Variants in LIPC observed in about 807,000 individuals in gnomAD.
LIPC encodes the protein lipase C, hepatic type, also known as hepatic triacylglycerol lipase.
In LIPC, 44 loss-of-function variants were observed where a neutral mutation model predicts 50.7. The ratio of observed to expected loss-of-function variants is 0.87; its 90% CI spans 0.68 to 1.11. The LOEUF is 1.11. LIPC is among the 50% of genes most tolerant of loss of function. The pLI, the probability that LIPC is intolerant of heterozygous loss-of-function variation, is 0.00. For synonymous variants in LIPC, 271 were observed against 256.4 expected (o/e 1.06, Z -0.54); for missense variants, 697 against 648.2 (o/e 1.08, Z -0.82).
chr15:58,544,349 A>G (rs1302584881), intron 4 of LIPC, among the ~76,000 whole-genome samples: 1 of 152,064 alleles, frequency 6.6e-6, no homozygotes, highest in East Asian at 1.9e-4. Context: ...CAGCCTGATA[A>G]AGAAAGGAAC....
At chr15:58,466,096 CCTGT>C (rs748543667) in intron 1 of LIPC, among the ~76,000 whole-genome samples, 4 of 152,170 alleles carry the variant, frequency 2.6e-5, no homozygotes, top group Non-Finnish European at 5.9e-5. Flanking sequence ...ACTGTGAAGT[CCTGT>C]CTGTGTAATT....
intron 1 of LIPC, among the ~76,000 whole-genome samples, chr15:58,518,360 G>A (rs1007990426): frequency 1.3e-5 from 2 of 152,260 alleles, no homozygotes; most frequent in South Asian, 2.1e-4. Flanking sequence ...TGGTGATTAA[G>A]TTAGTTCTGT....
chr15:58,519,113 C>T (rs1170349249), intron 1 of LIPC, among the ~76,000 whole-genome samples: 1 of 152,048 alleles, frequency 6.6e-6, no homozygotes, highest in Non-Finnish European at 1.5e-5. Flanking sequence ...TTATAATTAA[C>T]AGAACTACAC....
At chr15:58,563,799 C>T in intron 8 of LIPC, 76 bp downstream of exon 8, 1 of 1,176,520 alleles carries the variant, frequency 8.5e-7, no homozygotes, top group Non-Finnish European at 1.2e-6. Flanking sequence ...ATTTAATACT[C>T]ACATTCATCA....
intron 6 of LIPC, among the ~76,000 whole-genome samples, chr15:58,553,516 C>T (rs1387230473): frequency 1.3e-5 from 2 of 152,154 alleles, no homozygotes; most frequent in African/African-American, 4.8e-5. Flanking sequence ...TTGCTTGAGC[C>T]TAGAAGGTCA....
intron 2 of LIPC, 67 bp downstream of exon 2, chr15:58,538,584 T>C (rs1445602289): frequency 3.4e-6 from 5 of 1,487,672 alleles, no homozygotes; most frequent in Non-Finnish European, 4.7e-6. Context: ...TCTAGCGTGT[T>C]CATGTTCATA....
chr15:58,546,258 A>ACTG (rs1436934638), intron 5 of LIPC, among the ~76,000 whole-genome samples: 7 of 152,322 alleles, frequency 4.6e-5, no homozygotes, highest in Middle Eastern at 3.4e-3. Context: ...CCATGTGCCC[A>ACTG]GGCAAACCCT....
intron 1 of LIPC, among the ~76,000 whole-genome samples, chr15:58,479,252 A>G (rs997093963): frequency 2.0e-5 from 3 of 152,258 alleles, no homozygotes; most frequent in Non-Finnish European, 4.4e-5. Flanking sequence ...AAAATAATCA[A>G]TGCAATAGCA....
At chr15:58,501,518 T>C (rs1891984703) in intron 1 of LIPC, among the ~76,000 whole-genome samples, 1 of 152,112 alleles carries the variant, frequency 6.6e-6, no homozygotes, top group African/African-American at 2.4e-5. Context: ...AAAGAAATCA[T>C]AGTTGATGAT....
chr15:58,490,796 G>A lies in LIPC; in HGVS notation c.89-47537G>A, dbSNP rs201436311. Among the ~76,000 whole-genome samples, 7 of 152,292 alleles carry A rather than the reference G, an allele frequency of 4.6e-5. No individual in the cohort carries two copies. In the South Asian group the frequency reaches 1.5e-3, roughly 32 times the overall value. On this transcript the variant is annotated intron_variant, in intron 1 of 8. Transcript: ENST00000299022. ...AGGCAGTGAGACGTGCTACCTGGTCGCTTCCGGCTCTGATGAACCACTGCC... is the reference window on the plus strand; with the variant it reads ...AGGCAGTGAGACGTGCTACCTGGTCACTTCCGGCTCTGATGAACCACTGCC...
At chr15:58,456,861 T>C (rs4775050) in intron 1 of LIPC, among the ~76,000 whole-genome samples, 22,152 of 152,250 alleles carry the variant, frequency 0.15, 2,002 homozygotes, top group African/African-American at 0.25. Flanking sequence ...TTACCATGCG[T>C]AGAATGGGAA....
At chr15:58,548,243 C>T in intron 5 of LIPC, 87 bp from the exon 6 acceptor site, 1 of 1,589,418 alleles carries the variant, frequency 6.3e-7, no homozygotes, top group South Asian at 1.1e-5. Context: ...CTGCTAACCT[C>T]CTGTGGGATG....
chr15:58,453,071 T>G (rs1893971725), intron 1 of LIPC, among the ~76,000 whole-genome samples: 1 of 147,348 alleles, frequency 6.8e-6, no homozygotes, highest in African/African-American at 2.7e-5. Context: ...CAGAAATGAC[T>G]TCGGTCTTCT....
intron 1 of LIPC, among the ~76,000 whole-genome samples, chr15:58,499,779 G>A (rs1386367743): frequency 2.6e-5 from 4 of 152,202 alleles, no homozygotes; most frequent in Non-Finnish European, 5.9e-5. Context: ...TAACTGTATA[G>A]CCCTGGTCTA....
At chr15:58,530,325 G>A (rs998403029) in intron 1 of LIPC, among the ~76,000 whole-genome samples, 4 of 152,136 alleles carry the variant, frequency 2.6e-5, no homozygotes, top group Admixed American at 1.3e-4. Context: ...CTCCCTCCCC[G>A]ACCTGGTCTT....
intron 1 of LIPC, among the ~76,000 whole-genome samples, chr15:58,507,456 A>G (rs1462360881): frequency 6.6e-6 from 1 of 152,228 alleles, no homozygotes; most frequent in Non-Finnish European, 1.5e-5. Context: ...AGTCATCTGC[A>G]TAAGGTCTTG....
At chr15:58,478,499 G>GA (rs1891076046) in intron 1 of LIPC, among the ~76,000 whole-genome samples, 1 of 152,030 alleles carries the variant, frequency 6.6e-6, no homozygotes, top group Non-Finnish European at 1.5e-5. Flanking sequence ...TTGGCCTCCC[G>GA]AAAGTGCTAG....
At chr15:58,568,313 G>GGAA (rs1894454241) in intron 8 of LIPC, among the ~76,000 whole-genome samples, 1 of 152,186 alleles carries the variant, frequency 6.6e-6, no homozygotes, top group South Asian at 2.1e-4. Context: ...GTCCAAGGAG[G>GGAA]GAAGGCTGAG....
At chr15:58,493,555 AC>A (rs1244921265) in intron 1 of LIPC, among the ~76,000 whole-genome samples, 1 of 27,914 alleles carries the variant, frequency 3.6e-5, no homozygotes, top group Non-Finnish European at 9.8e-5. Context: ...AAAATTTATT[AC>A]ATATAAATAA....
Sources: gnomAD v4.1 joint callset for allele counts (sites outside exome capture counted in the v4.1 genomes callset) on GRCh38, gnomAD v4.1.1 for gene constraint, MANE v1.5 for transcripts, NCBI Gene and HGNC (gene_info 2026-07-23, HGNC 2026-07-21) for gene names.